Variants in DYNC2H1 observed in about 807,000 individuals in gnomAD.
DYNC2H1 encodes the protein cytoplasmic dynein 2 heavy chain 1.
DYNC2H1 carries 410 observed loss-of-function variants against 570.0 expected under a neutral mutation model. The observed-to-expected ratio is 0.72, with a 90% CI of 0.66 to 0.78. DYNC2H1 has a LOEUF of 0.78. Ranked by LOEUF, DYNC2H1 falls within the 30% of genes least tolerant of loss-of-function variation. The pLI, the probability that DYNC2H1 is intolerant of heterozygous loss-of-function variation, is 0.00. For missense variants in DYNC2H1, 4,865 were observed against 5,046.4 expected, an observed-to-expected ratio of 0.96 and a Z score of 1.09; for synonymous variants, 1,688 against 1,677.6, an observed-to-expected ratio of 1.01 and a Z score of -0.15.
At chr11:103,247,701 T>G (rs1864670212) in intron 65 of DYNC2H1, among the ~76,000 whole-genome samples, 1 of 151,966 alleles carries the variant, frequency 6.6e-6, no homozygotes, top group Admixed American at 6.6e-5. Flanking sequence ...AACCCATGAG[T>G]CTCTGGACAG....
chr11:103,426,675 T>A (rs1943684263), intron 84 of DYNC2H1, among the ~76,000 whole-genome samples: 1 of 152,176 alleles, frequency 6.6e-6, no homozygotes, highest in Admixed American at 6.6e-5. Flanking sequence ...AACTGATGAT[T>A]GTTATCTAGT....
At chr11:103,223,113 T>G (rs772830209) in intron 59 of DYNC2H1, 27 bp downstream of exon 59, 1 of 1,551,484 alleles carries the variant, frequency 6.4e-7, no homozygotes, top group Non-Finnish European at 8.7e-7. Flanking sequence ...ATATAAACAA[T>G]TCTAACCTTT....
At position 103,395,694 on chromosome 11, in the gene DYNC2H1, G is replaced by C. The variant is rs1185144641; in HGVS notation, c.12157-3969G>C. Among the ~76,000 whole-genome samples, 1 of 152,058 alleles carries C rather than the reference G, an allele frequency of 6.6e-6. No homozygotes were observed. On this transcript the variant is annotated intron_variant, in intron 83 of 88. Coordinates refer to ENST00000375735, the MANE Select transcript of DYNC2H1 (RefSeq NM_001377.3). The surrounding 1 kb of genome is among the most constrained non-coding windows in gnomAD (Gnocchi z 4.3). ...TTCATTGTCTCTGTTTGGTCATGCT[G>C]CCATCCCTGAACCAGTCACTGTGGT...
In DYNC2H1 at chr11:103,395,640, C is replaced by T. The variant is rs1219201648; in HGVS notation, c.12157-4023C>T. 6.6e-6 allele frequency among the ~76,000 whole-genome samples: 1 copy of T among 152,056 alleles called. No homozygotes were observed. The highest frequency in any genetic ancestry group is 1.5e-5 in the Non-Finnish European group (1 of 67,988). ...TAGAAAGAAACAGTTACCTATTTTT[C>T]AGAATACCCAGCAGAATTCTTACCA... On this transcript the variant is annotated intron_variant, in intron 83 of 88. Coordinates refer to ENST00000375735, the MANE Select transcript of DYNC2H1 (RefSeq NM_001377.3). This position sits in a 1 kb window ranked among gnomAD's most constrained non-coding sequence, Gnocchi z 4.3.
intron 70 of DYNC2H1, among the ~76,000 whole-genome samples, chr11:103,265,218 C>A (rs763070859): frequency 6.6e-6 from 1 of 151,898 alleles, no homozygotes; most frequent in Non-Finnish European, 1.5e-5. Context: ...TTGGGGGGTG[C>A]GGTAAAAAGT....
rs371889476 is a variant in DYNC2H1, at chr11:103,160,571, C to T, written c.4379-361C>T. Among the ~76,000 whole-genome samples, 149 of 152,016 alleles carry T rather than the reference C, an allele frequency of 9.8e-4. 4 individuals carry two copies. In the South Asian group the frequency reaches 0.028, roughly 28 times the overall value. On this transcript the variant is annotated intron_variant, in intron 28 of 88. Coordinates refer to ENST00000375735, the MANE Select transcript of DYNC2H1 (RefSeq NM_001377.3). ...TTAGGACAATTCTTACTGATTGGTA[C>T]GTAGTAGTTGATTAGGTTGCCTAAA...
intron 30 of DYNC2H1, among the ~76,000 whole-genome samples, chr11:103,164,379 A>C (rs1861215024): frequency 6.6e-6 from 1 of 152,182 alleles, no homozygotes; most frequent in Non-Finnish European, 1.5e-5. Flanking sequence ...TAAAATAAAG[A>C]ATTCTAGTTT....
rs550040500 is a variant in DYNC2H1, at chr11:103,189,552, T to C, written c.7293-120T>C. 1.1e-6 allele frequency: 1 copy of C among 937,838 alleles called. No homozygotes were observed. Among genetic ancestry groups the C allele is most frequent in the Non-Finnish European group, 1.6e-6 (1 of 629,858 alleles). The allele number at this position is 937,838 out of a possible 1,614,324, so 58.1% of individuals were successfully genotyped here. A position where few individuals can be genotyped will look rare whatever the true frequency, so the allele number is the denominator to read the frequency against. Reference sequence around the variant, plus strand: ...TAGTCTTAGCCCCCTGGGTAAGCTTTGGAGATATGTAGGTCTTAGAGCAGC... The same window carrying C: ...TAGTCTTAGCCCCCTGGGTAAGCTTCGGAGATATGTAGGTCTTAGAGCAGC... On this transcript the variant is annotated intron_variant, in intron 44 of 88. Coordinates refer to ENST00000375735, the MANE Select transcript of DYNC2H1 (RefSeq NM_001377.3). The surrounding 1 kb of genome is among the most constrained non-coding windows in gnomAD (Gnocchi z 4.3).
intron 83 of DYNC2H1, among the ~76,000 whole-genome samples, chr11:103,377,893 C>T (rs1941459369): frequency 1.3e-5 from 2 of 151,878 alleles, no homozygotes; most frequent in African/African-American, 4.8e-5. Flanking sequence ...TGTGCCATCA[C>T]ACCCGGCTAA....
In DYNC2H1 at chr11:103,188,642, C is replaced by T; in HGVS notation, c.7286C>T (p.Ser2429Phe). Residue 2429 changes from serine (S) to phenylalanine (F), a missense_variant, in exon 44 of 89, where the codon TCT (serine) becomes TTT (phenylalanine). Physicochemically the swap from Ser to Phe is radical, Grantham distance 155. Coordinates refer to ENST00000375735, the MANE Select transcript of DYNC2H1 (RefSeq NM_001377.3). Reference protein sequence around the residue: ...TRFTSIVRLCSIDYPEREQLQ... With the variant: ...TRFTSIVRLCFIDYPEREQLQ... ...TTTACTTCCATCGTTCGTCTTTGTTCTATAGAGTATGTATCTTTGTGTTTC... is the reference window on the plus strand; with the variant it reads ...TTTACTTCCATCGTTCGTCTTTGTTTTATAGAGTATGTATCTTTGTGTTTC... 1.3e-6 allele frequency: 2 copies of T among 1,598,662 alleles called. No individual in the cohort carries two copies. The highest frequency in any genetic ancestry group is 2.3e-5 in the South Asian group (2 of 87,880).
intron 55 of DYNC2H1, among the ~76,000 whole-genome samples, chr11:103,219,704 T>C (rs543761971): frequency 6.6e-6 from 1 of 152,338 alleles, no homozygotes; most frequent in East Asian, 1.9e-4. Flanking sequence ...AGAAAAAAAT[T>C]AAAGCACTGA....
In DYNC2H1 at chr11:103,205,138, T is replaced by G. The variant is rs1042920818; in HGVS notation, c.8454+174T>G. Reference sequence around the variant, plus strand: ...ACTCTTGCATCATAATTTAGTTGAATGTAGAATTTTAGATTGAGGATCATG... The same window carrying G: ...ACTCTTGCATCATAATTTAGTTGAAGGTAGAATTTTAGATTGAGGATCATG... On this transcript the variant is annotated intron_variant, in intron 52 of 88. Coordinates refer to ENST00000375735, the MANE Select transcript of DYNC2H1 (RefSeq NM_001377.3). The surrounding 1 kb of genome is among the most constrained non-coding windows in gnomAD (Gnocchi z 4.5). 1.3e-4 allele frequency among the ~76,000 whole-genome samples: 20 copies of G among 152,134 alleles called. No individual in the cohort carries two copies. Among genetic ancestry groups the G allele is most frequent in the Non-Finnish European group, 2.6e-4 (18 of 68,008 alleles).
intron 84 of DYNC2H1, among the ~76,000 whole-genome samples, chr11:103,432,701 A>T (rs1053187163): frequency 6.6e-6 from 1 of 152,078 alleles, no homozygotes; most frequent in Non-Finnish European, 1.5e-5. Flanking sequence ...GATGTATAAC[A>T]TAACTACATT....
At position 103,282,164 on chromosome 11, in the gene DYNC2H1, A is replaced by G; in HGVS notation, c.10762-15A>G. 6.2e-7 allele frequency: 1 copy of G among 1,603,292 alleles called. No homozygotes were observed. The highest frequency in any genetic ancestry group is 1.3e-5 in the African/African-American group (1 of 74,410). ...CATTTTTATATTTTTGTGTTCCTAT[A>G]TTTTTATTCAATAGGAATGGGATAC... On this transcript the variant is annotated splice_polypyrimidine_tract_variant and intron_variant, in intron 71 of 88. Transcript: ENST00000375735.
chr11:103,279,705 G>C (rs944578133), intron 70 of DYNC2H1, among the ~76,000 whole-genome samples: 5 of 151,920 alleles, frequency 3.3e-5, no homozygotes, highest in African/African-American at 1.2e-4. Flanking sequence ...GCCTGTTTTT[G>C]GTTCTGCTTT....
At chr11:103,125,438 C>G (rs1858946646) in intron 12 of DYNC2H1, 143 bp downstream of exon 12, 1 of 584,728 alleles carries the variant, frequency 1.7e-6, no homozygotes, top group Non-Finnish European at 2.7e-6. Context: ...CTAAATGAGT[C>G]CATTACAAAA....
Position 103,228,558 on chromosome 11 carries a change from CT to C in DYNC2H1, c.9354-2701del, listed in dbSNP as rs1484048570. 6.6e-6 allele frequency among the ~76,000 whole-genome samples: 1 copy of C among 152,130 alleles called. No individual in the cohort carries two copies. Among genetic ancestry groups the C allele is most frequent in the African/African-American group, 2.4e-5 (1 of 41,428 alleles). ...TGTGATCTGTCTTCAGGTATCTTAG[CT>C]GTGGATACCAGCACCTGCTCCACTG... On this transcript the variant is annotated intron_variant, in intron 59 of 88. Coordinates refer to ENST00000375735, the MANE Select transcript of DYNC2H1 (RefSeq NM_001377.3). The surrounding 1 kb of genome is among the most constrained non-coding windows in gnomAD (Gnocchi z 6.1).
intron 85 of DYNC2H1, among the ~76,000 whole-genome samples, chr11:103,452,758 TC>T (rs1415177042): frequency 6.6e-6 from 1 of 151,724 alleles, no homozygotes; most frequent in Non-Finnish European, 1.5e-5. Flanking sequence ...CCACTTACTA[TC>T]ATTTTTCACA....
At chr11:103,466,947 G>T (rs1945211735) in intron 87 of DYNC2H1, among the ~76,000 whole-genome samples, 1 of 152,038 alleles carries the variant, frequency 6.6e-6, no homozygotes, top group South Asian at 2.1e-4. Flanking sequence ...TTATTGAGGT[G>T]TTTTTTTAAT....
Sources: allele counts gnomAD v4.1 joint callset (sites outside exome capture counted in the v4.1 genomes callset), GRCh38; gene constraint gnomAD v4.1.1; non-coding constraint Gnocchi (gnomAD v3.1); transcripts MANE v1.5; gene names NCBI Gene and HGNC (gene_info 2026-07-23, HGNC 2026-07-21).